The following NAT1 variants were observed in gnomAD, a reference collection of about 807,000 sequenced individuals.
NAT1 encodes arylamine N-acetyltransferase 1.
For synonymous variants in NAT1, 144 were observed against 122.6 expected (o/e 1.17, Z -1.16); for missense variants, 400 against 339.2 (o/e 1.18, Z -1.41).
At chr8:18,183,139 G>A (rs969952653) in intron 2 of NAT1, among the ~76,000 whole-genome samples, 1 of 152,124 alleles carries the variant, frequency 6.6e-6, no homozygotes, top group Non-Finnish European at 1.5e-5. Context: ...GGAGAAGAAC[G>A]CTGACTCCTC....
intron 1 of NAT1, among the ~76,000 whole-genome samples, chr8:18,217,509 T>C (rs543077303): frequency 2.1e-4 from 32 of 152,300 alleles, no homozygotes; most frequent in Admixed American, 1.6e-3. Context: ...AAAAATTAAA[T>C]CCACTAAATC....
chr8:18,204,929 T>C (rs1803643463), intron 2 of NAT1, among the ~76,000 whole-genome samples: 1 of 152,202 alleles, frequency 6.6e-6, no homozygotes, highest in African/African-American at 2.4e-5. Context: ...ACCTCATTTC[T>C]AGAAGATTCT....
intron 2 of NAT1, among the ~76,000 whole-genome samples, chr8:18,171,375 C>A (rs1277641743): frequency 8.4e-6 from 1 of 119,758 alleles, no homozygotes; most frequent in Non-Finnish European, 1.9e-5. Context: ...TAAATTAATC[C>A]AAATTGCCTC....
intron 2 of NAT1, among the ~76,000 whole-genome samples, chr8:18,178,965 C>T (rs968402145): frequency 1.3e-5 from 2 of 152,144 alleles, no homozygotes; most frequent in Admixed American, 6.6e-5. Flanking sequence ...ACAAATCCTT[C>T]TCTATAGAAT....
At chr8:18,220,667 G>A (rs1805188630) in intron 2 of NAT1, among the ~76,000 whole-genome samples, 1 of 148,628 alleles carries the variant, frequency 6.7e-6, no homozygotes, top group Non-Finnish European at 1.5e-5. Flanking sequence ...GGTAAACTTG[G>A]TGAACTCTTT....
Position 18,222,582 on chromosome 8 carries a change from G to C in NAT1, c.535G>C (p.Asp179His). The C allele has an allele frequency of 6.2e-7, 1 of 1,613,952 alleles. No homozygotes were observed. Among genetic ancestry groups the C allele is most frequent in the Non-Finnish European group, 8.5e-7 (1 of 1,179,942 alleles). ...YIPNEEFLHSDLLEDSKYRKI... is the reference protein window; with the variant it reads ...YIPNEEFLHSHLLEDSKYRKI... Reference sequence around the variant, plus strand: ...TCCAAATGAAGAATTTCTTCATTCTGATCTCCTAGAAGACAGCAAATACCG... The same window carrying C: ...TCCAAATGAAGAATTTCTTCATTCTCATCTCCTAGAAGACAGCAAATACCG... Residue 179 changes from aspartate to histidine, a missense_variant, in exon 3 of 3, where the codon GAT becomes CAT. By Grantham distance (81) the Asp-to-His change is moderately conservative. Transcript: ENST00000307719.
intron 2 of NAT1, among the ~76,000 whole-genome samples, chr8:18,195,096 G>A (rs910639643): frequency 6.6e-6 from 1 of 152,212 alleles, no homozygotes; most frequent in African/African-American, 2.4e-5. Flanking sequence ...TGGAGTTACA[G>A]GGGATCATCT....
intron 2 of NAT1, among the ~76,000 whole-genome samples, chr8:18,179,895 G>A (rs563340718): frequency 3.9e-5 from 6 of 152,172 alleles, no homozygotes; most frequent in African/African-American, 1.2e-4. Flanking sequence ...AGTGTAGAAA[G>A]ATTAAATCTT....
At chr8:18,182,901 T>C (rs533253048) in intron 2 of NAT1, among the ~76,000 whole-genome samples, 5 of 152,326 alleles carry the variant, frequency 3.3e-5, no homozygotes, top group African/African-American at 1.2e-4. Context: ...CTCTAAATAA[T>C]GTCTAATCAT....
At chr8:18,199,082 G>A (rs1315329136) in intron 2 of NAT1, among the ~76,000 whole-genome samples, 1 of 151,928 alleles carries the variant, frequency 6.6e-6, no homozygotes. Context: ...GGGAGGCCAA[G>A]GCAGGTGGAT....
chr8:18,221,228 C>G (rs373781680), intron 2 of NAT1, among the ~76,000 whole-genome samples: 2 of 151,810 alleles, frequency 1.3e-5, no homozygotes, highest in African/African-American at 4.8e-5. Flanking sequence ...TGTTTTCCTA[C>G]TTGGAACAAT....
upstream of NAT1, among the ~76,000 whole-genome samples, chr8:18,208,943 T>C (rs1803855172): frequency 6.6e-6 from 1 of 152,170 alleles, no homozygotes; most frequent in Admixed American, 6.5e-5. Flanking sequence ...ATTTGGAAGA[T>C]GATTTAAGGA....
intron 2 of NAT1, among the ~76,000 whole-genome samples, chr8:18,203,311 T>TAA (rs1386937824): frequency 1.3e-5 from 2 of 152,246 alleles, no homozygotes; most frequent in Non-Finnish European, 2.9e-5. Flanking sequence ...GTGTCTTTAG[T>TAA]AATTTTGGGC....
chr8:18,215,258 A>G (rs1379055383), intron 1 of NAT1, among the ~76,000 whole-genome samples: 6 of 152,208 alleles, frequency 3.9e-5, no homozygotes, highest in Non-Finnish European at 5.9e-5. Flanking sequence ...GAATAGTGCC[A>G]TACATTTTTC....
At chr8:18,216,982 A>T in intron 1 of NAT1, 2 of 1,550,498 alleles carry the variant, frequency 1.3e-6, no homozygotes, top group East Asian at 2.4e-5. Flanking sequence ...TCTGATGATC[A>T]CCATGTTTCT....
At chr8:18,201,827 C>T (rs887258414) in intron 2 of NAT1, among the ~76,000 whole-genome samples, 4 of 152,158 alleles carry the variant, frequency 2.6e-5, no homozygotes, top group Admixed American at 1.3e-4. Context: ...ACCTTCCAGC[C>T]GTGGCTGTTT....
intron 2 of NAT1, among the ~76,000 whole-genome samples, chr8:18,187,315 C>G (rs1300214158): frequency 1.3e-5 from 2 of 152,134 alleles, no homozygotes; most frequent in Non-Finnish European, 2.9e-5. Flanking sequence ...CCTAAAACAG[C>G]ATTTCCATTG....
chr8:18,193,296 G>T (rs1803091660), intron 2 of NAT1, among the ~76,000 whole-genome samples: 1 of 149,392 alleles, frequency 6.7e-6, no homozygotes, highest in Non-Finnish European at 1.5e-5. Context: ...GGTCAAGCTG[G>T]TCTCCAACTC....
chr8:18,186,221 A>G (rs73589919), intron 2 of NAT1, among the ~76,000 whole-genome samples: 13,795 of 152,188 alleles, frequency 0.091, 728 homozygotes, highest in South Asian at 0.18. Context: ...ATTTCCCATT[A>G]TGATTATAGG....
Sources: gnomAD v4.1 joint callset for allele counts (sites outside exome capture counted in the v4.1 genomes callset) on GRCh38, gnomAD v4.1.1 for gene constraint, MANE v1.5 for transcripts, NCBI Gene and HGNC (gene_info 2026-07-23, HGNC 2026-07-21) for gene names.